Variants in TCF23 observed in about 807,000 individuals in gnomAD.
TCF23 encodes the protein transcription factor 23, also known as class A basic helix-loop-helix protein 24.
Under a neutral mutation model 13.0 loss-of-function variants are expected in TCF23, and 7 were observed. That is an observed-to-expected ratio of 0.54 (90% confidence interval 0.31 to 1.01). The LOEUF (loss-of-function observed/expected upper bound fraction) is 1.01. TCF23 is among the 50% of genes least tolerant of loss of function. The probability of loss-of-function intolerance (pLI) is 0.06; values close to 1 mark genes in which losing one functional copy is unlikely to be tolerated. For synonymous variants in TCF23, 122 were observed against 119.5 expected, an observed-to-expected ratio of 1.02 and a Z score of -0.14; for missense variants, 257 against 289.8, an observed-to-expected ratio of 0.89 and a Z score of 0.82.
In TCF23 at chr2:27,153,036, G is replaced by A. The variant is rs1242478155; in HGVS notation, c.*169G>A. On this transcript the variant is annotated 3_prime_UTR_variant, in exon 3 of 3. Transcript: ENST00000296096. ...CTTCTGTGATGGACAGTACCTAGAG[G>A]GGCACAGGTTGGAGAGCCTCCTCCT... The A allele has an allele frequency of 5.7e-6, 8 of 1,398,514 alleles. No homozygotes were observed. Among genetic ancestry groups the A allele is most frequent in the Non-Finnish European group, 2.8e-6 (3 of 1,076,930 alleles). The allele number at this position is 1,398,514 out of a possible 1,614,324, so 86.6% of individuals were successfully genotyped here.
intron 2 of TCF23, among the ~76,000 whole-genome samples, chr2:27,151,167 G>T (rs1041321805): frequency 4.6e-5 from 7 of 152,084 alleles, no homozygotes; most frequent in Non-Finnish European, 8.8e-5. Context: ...TGAACTCAGG[G>T]GTGTCTGACT....
Position 27,150,389 on chromosome 2 carries a change from G to A in TCF23, c.465+24G>A, listed in dbSNP as rs533577901. On this transcript the variant is annotated intron_variant, in intron 2 of 2. Coordinates refer to ENST00000296096, the MANE Select transcript of TCF23 (RefSeq NM_175769.3). The surrounding 1 kb of genome is among the most constrained non-coding windows in gnomAD (Gnocchi z 4.1). ...AGGTAAGTCACAAGCCCTGGGACTT[G>A]AGAGGCGGATCTTAATGCCCAGGGC... is the stretch of plus-strand genomic sequence containing the variant. 1.2e-6 allele frequency: 2 copies of A among 1,605,380 alleles called. No individual in the cohort carries two copies. Among genetic ancestry groups the A allele is most frequent in the African/African-American group, 1.3e-5 (1 of 74,918 alleles).
rs552548762 is a variant in TCF23 at position 27,155,338 on chromosome 2, G to C, written c.*2471G>C. 1.3e-5 allele frequency: 2 copies of C among 152,374 alleles called. No homozygotes were observed. The highest frequency in any genetic ancestry group is 2.4e-5 in the African/African-American group (1 of 41,462). 9.4% of individuals were successfully genotyped at this position (152,374 alleles called of 1,614,324 possible). ...AGGGGATGGATGGGAATAACCAGAG[G>C]ATGGACTGGGCCCTCCCTCCCTGAC... is the stretch of plus-strand genomic sequence containing the variant. On this transcript the variant is annotated 3_prime_UTR_variant, in exon 3 of 3. Transcript: ENST00000296096.
intron 1 of TCF23, chr2:27,149,761 G>T (rs921304708): frequency 3.3e-6 from 2 of 610,950 alleles, no homozygotes; most frequent in Non-Finnish European, 6.3e-6. Flanking sequence ...CTCCCAAACA[G>T]GGTGTAGCTC....
chr2:27,150,500 T>C lies in TCF23; in HGVS notation c.465+135T>C, dbSNP rs1672747052. 6 of 1,443,618 alleles carry C rather than the reference T, an allele frequency of 4.2e-6. No homozygotes were observed. The highest frequency in any genetic ancestry group is 2.8e-6 in the Non-Finnish European group (3 of 1,065,842). 89.4% of individuals were successfully genotyped at this position (1,443,618 alleles called of 1,614,324 possible). On this transcript the variant is annotated intron_variant, in intron 2 of 2. Coordinates refer to ENST00000296096, the MANE Select transcript of TCF23 (RefSeq NM_175769.3). This position sits in a 1 kb window ranked among gnomAD's most constrained non-coding sequence, Gnocchi z 4.1. ...AACTGACGTCGGAGCCAATTTCTCC[T>C]GCTGTCTCAGAGGGAGAGGAGCCAA...
At chr2:27,149,415 G>A in intron 1 of TCF23, 60 bp downstream of exon 1, 2 of 1,452,770 alleles carry the variant, frequency 1.4e-6, no homozygotes, top group Non-Finnish European at 1.9e-6. Flanking sequence ...AAGGTGGGGA[G>A]ATGTCACCTC....
At chr2:27,151,747 C>T (rs1672763215) in intron 2 of TCF23, among the ~76,000 whole-genome samples, 1 of 152,110 alleles carries the variant, frequency 6.6e-6, no homozygotes, top group African/African-American at 2.4e-5. Flanking sequence ...GGAATCCTCC[C>T]ACCTCAGCTT....
chr2:27,150,043 G>A lies in TCF23; in HGVS notation c.223-80G>A. On this transcript the variant is annotated intron_variant, in intron 1 of 2. Coordinates refer to ENST00000296096, the MANE Select transcript of TCF23 (RefSeq NM_175769.3). The surrounding 1 kb of genome is among the most constrained non-coding windows in gnomAD (Gnocchi z 4.1). Reference sequence around the variant, plus strand: ...TAGACACCCTTCTACTCTGGTGGGAGACCTTGTGCTCAAACGCTCTCAGAA... The same window carrying A: ...TAGACACCCTTCTACTCTGGTGGGAAACCTTGTGCTCAAACGCTCTCAGAA... 1 of 1,542,490 alleles carries A rather than the reference G, an allele frequency of 6.5e-7. No homozygotes were observed. Among genetic ancestry groups the A allele is most frequent in the South Asian group, 1.2e-5 (1 of 82,112 alleles).
rs975795504 is a variant in TCF23 at position 27,153,407 on chromosome 2, T to C, written c.*540T>C. The stretch of plus-strand genomic sequence containing the variant: ...AGATGCTTACCTGATGTTAGAGAGA[T>C]AGTGAGGAATTCAGGATTCCTCCCT... On this transcript the variant is annotated 3_prime_UTR_variant, in exon 3 of 3. Transcript: ENST00000296096. The C allele has an allele frequency of 2.6e-5, 4 of 152,976 alleles. No individual in the cohort carries two copies. Among genetic ancestry groups the C allele is most frequent in the African/African-American group, 4.8e-5 (2 of 41,468 alleles). 9.5% of individuals were successfully genotyped at this position (152,976 alleles called of 1,614,324 possible).
Position 27,150,209 on chromosome 2 carries a change from G to C in TCF23, c.309G>C (p.Leu103=), listed in dbSNP as rs776758564. 1.7e-5 allele frequency: 28 copies of C among 1,612,888 alleles called. No individual in the cohort carries two copies. Among genetic ancestry groups the C allele is most frequent in the Non-Finnish European group, 2.4e-5 (28 of 1,179,850 alleles). ...RQAFLALQAA[L]PAVPPDTKLS... Reference sequence around the variant, plus strand: ...CCTTCTTGGCCTTGCAGGCTGCTCTGCCTGCCGTGCCGCCCGACACCAAGC... The same window carrying C: ...CCTTCTTGGCCTTGCAGGCTGCTCTCCCTGCCGTGCCGCCCGACACCAAGC... Residue 103 remains leucine (L), a synonymous_variant, in exon 2 of 3, where the codon CTG becomes CTC. Coordinates refer to ENST00000296096, the MANE Select transcript of TCF23 (RefSeq NM_175769.3). This position sits in a 1 kb window ranked among gnomAD's most constrained non-coding sequence, Gnocchi z 4.1.
chr2:27,152,134 A>G (rs776366900), intron 2 of TCF23, among the ~76,000 whole-genome samples: 3 of 152,218 alleles, frequency 2.0e-5, no homozygotes, highest in South Asian at 4.1e-4. Flanking sequence ...ATCAACAGCT[A>G]TGCTGAAGAA....
rs115303008 is a variant in TCF23, at chr2:27,155,135, C to T, written c.*2268C>T. ...GAGGGCTGCAGGAGGCAGGTCCCATCGCTACAAGTTTCTCAGGGTGTCTTG... is the reference window on the plus strand; with the variant it reads ...GAGGGCTGCAGGAGGCAGGTCCCATTGCTACAAGTTTCTCAGGGTGTCTTG... On this transcript the variant is annotated 3_prime_UTR_variant, in exon 3 of 3. Transcript: ENST00000296096. 1,200 of 152,814 alleles carry T rather than the reference C, an allele frequency of 7.9e-3. 17 individuals are homozygous for T. The highest frequency in any genetic ancestry group is 0.027 in the African/African-American group (1,124 of 41,536). 9.5% of individuals were successfully genotyped at this position (152,814 alleles called of 1,614,324 possible). A position where few individuals can be genotyped will look rare whatever the true frequency, so the allele number is the denominator to read the frequency against.
chr2:27,152,202 G>T (rs1239117314), intron 2 of TCF23, among the ~76,000 whole-genome samples: 1 of 152,258 alleles, frequency 6.6e-6, no homozygotes, highest in Non-Finnish European at 1.5e-5. Context: ...GGGTGGGGCA[G>T]TTGGCCAGGA....
At position 27,149,268 on chromosome 2, in the gene TCF23, G is replaced by A; in HGVS notation, c.135G>A (p.Trp45Ter). 6.3e-7 allele frequency: 1 copy of A among 1,593,416 alleles called. No homozygotes were observed. Among genetic ancestry groups the A allele is most frequent in the Non-Finnish European group, 8.5e-7 (1 of 1,170,174 alleles). The change falls in exon 1 of 3, where the codon TGG becomes TGA. Residue 45 changes from tryptophan (W) to a stop codon, truncating the protein, a stop_gained. Coordinates refer to ENST00000296096, the MANE Select transcript of TCF23 (RefSeq NM_175769.3). LOFTEE classifies it high-confidence loss of function. ...SRLSRTRQDPWEERSWSNQRW... is the reference protein window; with the variant it reads ...SRLSRTRQDP ...TCAGCAGGACAAGGCAGGACCCGTG[G>A]GAAGAAAGAAGCTGGAGCAACCAGA...
rs1011561725 is a variant in TCF23 at position 27,156,185 on chromosome 2, G to A, written c.*3318G>A. 2 of 152,122 alleles carry A rather than the reference G, an allele frequency of 1.3e-5. No homozygotes were observed. Among genetic ancestry groups the A allele is most frequent in the Middle Eastern group, 3.4e-3 (1 of 294 alleles). The allele number at this position is 152,122 out of a possible 1,614,324, so 9.4% of individuals were successfully genotyped here. A position where few individuals can be genotyped will look rare whatever the true frequency, so the allele number is the denominator to read the frequency against. On this transcript the variant is annotated 3_prime_UTR_variant, in exon 3 of 3. Transcript: ENST00000296096. Reference sequence around the variant, plus strand: ...CTACTAAAAATACGAAATTAGCTGGGTGTGGTGGCACATGCCTATAACCCC... The same window carrying A: ...CTACTAAAAATACGAAATTAGCTGGATGTGGTGGCACATGCCTATAACCCC...
chr2:27,151,961 A>AACTT (rs769866165), intron 2 of TCF23, among the ~76,000 whole-genome samples: 5 of 152,118 alleles, frequency 3.3e-5, no homozygotes, highest in Non-Finnish European at 7.3e-5. Flanking sequence ...AATGTCTTAA[A>AACTT]ACTTGGTTTT....
In TCF23 at chr2:27,155,869, T is replaced by C. The variant is rs78694483; in HGVS notation, c.*3002T>C. ...AGGAGTTGGAGGCTCAGCTGCTCCA[T>C]AGGGGATTGGCCTGGCCTACCTGGT... On this transcript the variant is annotated 3_prime_UTR_variant, in exon 3 of 3. Coordinates refer to ENST00000296096, the MANE Select transcript of TCF23 (RefSeq NM_175769.3). The C allele has an allele frequency of 0.1, 15,871 of 152,394 alleles. 912 individuals are homozygous for C. The highest frequency in any genetic ancestry group is 0.14 in the African/African-American group (5,934 of 41,536). 9.4% of individuals were successfully genotyped at this position (152,394 alleles called of 1,614,324 possible).
Position 27,152,973 on chromosome 2 carries a change from C to T in TCF23, c.*106C>T. On this transcript the variant is annotated 3_prime_UTR_variant, in exon 3 of 3. Transcript: ENST00000296096. ...CATCAGACTTGACTCAGACTCAGCTCCCAAGTTCCAGCATGCAGACCAAGA... is the reference window on the plus strand; with the variant it reads ...CATCAGACTTGACTCAGACTCAGCTTCCAAGTTCCAGCATGCAGACCAAGA... 1 of 1,531,106 alleles carries T rather than the reference C, an allele frequency of 6.5e-7. No individual in the cohort carries two copies. The highest frequency in any genetic ancestry group is 8.8e-7 in the Non-Finnish European group (1 of 1,140,512). The allele number at this position is 1,531,106 out of a possible 1,614,324, so 94.8% of individuals were successfully genotyped here.
chr2:27,152,756 C>A lies in TCF23; in HGVS notation c.534C>A (p.Ala178=). The change falls in exon 3 of 3, where the codon GCC becomes GCA. Residue 178 remains alanine, a synonymous_variant. Coordinates refer to ENST00000296096, the MANE Select transcript of TCF23 (RefSeq NM_175769.3). ...LGYSDLDSTT[A]STPSQRTRDA... ...ACTCCGATCTTGACTCCACCACAGC[C>A]AGCACCCCCAGCCAAAGAACAAGAG... The A allele has an allele frequency of 6.2e-7, 1 of 1,614,164 alleles. No individual in the cohort carries two copies.
Sources: allele counts gnomAD v4.1 joint callset (sites outside exome capture counted in the v4.1 genomes callset), GRCh38; gene constraint gnomAD v4.1.1; non-coding constraint Gnocchi (gnomAD v3.1); transcripts MANE v1.5; gene names NCBI Gene and HGNC (gene_info 2026-07-23, HGNC 2026-07-21).